The following SERPINB8 variants were observed in gnomAD, a reference collection of about 807,000 sequenced individuals.
SERPINB8 encodes the protein serpin B8.
SERPINB8 carries 25 observed loss-of-function variants against 35.3 expected under a neutral mutation model. That is an observed-to-expected ratio of 0.71 (90% CI 0.52 to 0.99). The LOEUF is 0.99. Ranked by LOEUF, SERPINB8 falls within the 50% of genes least tolerant of loss-of-function variation. The probability of loss-of-function intolerance (pLI) is 0.00; values close to 1 mark genes in which losing one functional copy is unlikely to be tolerated. For synonymous variants in SERPINB8, 186 were observed against 160.8 expected (o/e 1.16, Z -1.19); for missense variants, 484 against 446.5 (o/e 1.08, Z -0.76).
At chr18:63,984,880 G>GTTTTTT (rs11432695) in intron 5 of SERPINB8, among the ~76,000 whole-genome samples, 1 of 141,440 alleles carries the variant, frequency 7.1e-6, no homozygotes, top group Non-Finnish European at 1.6e-5. Context: ...TTACCAAACT[G>GTTTTTT]TTTTTTTTTT....
At chr18:63,974,061 T>G (rs1289327240) in intron 1 of SERPINB8, among the ~76,000 whole-genome samples, 1 of 152,246 alleles carries the variant, frequency 6.6e-6, no homozygotes, top group Admixed American at 6.5e-5. Context: ...GCATTGAATC[T>G]ATAAATTACC....
intron 1 of SERPINB8, chr18:63,970,628 C>A (rs56321661): frequency 0.23 from 35,260 of 152,504 alleles, 4,227 homozygotes; most frequent in Admixed American, 0.31. Flanking sequence ...GAGGAGCCGC[C>A]GCTGCGGAGG....
At chr18:64,014,421 A>G (rs900679849) in intron 7 of SERPINB8, among the ~76,000 whole-genome samples, 1 of 152,176 alleles carries the variant, frequency 6.6e-6, no homozygotes, top group African/African-American at 2.4e-5. Context: ...TTTAAATTTC[A>G]CAAAGGTAGC....
downstream of SERPINB8, among the ~76,000 whole-genome samples, chr18:63,992,874 GC>G (rs1234066672): frequency 6.6e-6 from 1 of 152,030 alleles, no homozygotes; most frequent in Non-Finnish European, 1.5e-5. Context: ...TTGTCAGTCG[GC>G]CGTTTGGTTC....
intron 1 of SERPINB8, among the ~76,000 whole-genome samples, chr18:63,998,007 C>T (rs921285004): frequency 6.6e-6 from 1 of 152,178 alleles, no homozygotes; most frequent in African/African-American, 2.4e-5. Flanking sequence ...AATCAAGATG[C>T]CATCCTAGCC....
intron 1 of SERPINB8, among the ~76,000 whole-genome samples, chr18:63,972,710 G>A (rs942188102): frequency 2.4e-5 from 3 of 123,082 alleles, no homozygotes; most frequent in Non-Finnish European, 3.2e-5. Context: ...TCATTGTTCA[G>A]TTCCCACCTA....
Position 63,987,328 on chromosome 18 carries a change from T to C in SERPINB8, c.*50T>C, listed in dbSNP as rs1243212829. 1 of 1,540,076 alleles carries C rather than the reference T, an allele frequency of 6.5e-7. No individual in the cohort carries two copies. Among genetic ancestry groups the C allele is most frequent in the Non-Finnish European group, 8.8e-7 (1 of 1,138,454 alleles). ...CTCCTTTCCTTCTACCTATCTTGCC[T>C]TAATTAACATTCCCTGTGACCTAGT... On this transcript the variant is annotated 3_prime_UTR_variant, in exon 7 of 7. Transcript: ENST00000397985.
At chr18:64,009,144 A>G (rs1488139186), downstream of SERPINB8, among the ~76,000 whole-genome samples, 1 of 152,236 alleles carries the variant, frequency 6.6e-6, no homozygotes, top group Admixed American at 6.5e-5. Context: ...ACAAAAAATA[A>G]GCAAGATTGT....
At chr18:63,994,341 C>G (rs1411622884), downstream of SERPINB8, among the ~76,000 whole-genome samples, 2 of 152,004 alleles carry the variant, frequency 1.3e-5, no homozygotes, top group African/African-American at 4.8e-5. Context: ...CTCTCTTTCT[C>G]TCTCTCTCTC....
At chr18:64,001,471 GTTTGTTTA>G (rs1420353536) in intron 1 of SERPINB8, among the ~76,000 whole-genome samples, 6 of 111,846 alleles carry the variant, frequency 5.4e-5, no homozygotes, top group African/African-American at 8.0e-5. Flanking sequence ...CTGTTTGTTT[GTTTGTTTA>G]TTTATTTATT....
intron 1 of SERPINB8, among the ~76,000 whole-genome samples, chr18:63,998,451 G>T (rs554095207): frequency 5.6e-4 from 86 of 152,224 alleles, no homozygotes; most frequent in Middle Eastern, 3.4e-3. Flanking sequence ...AGCAATGATC[G>T]CATATTTTAA....
chr18:64,018,509 G>T (rs191149687), intron 7 of SERPINB8, among the ~76,000 whole-genome samples: 19 of 151,900 alleles, frequency 1.3e-4, no homozygotes, highest in African/African-American at 4.4e-4. Context: ...TATTAAAGTG[G>T]GTAGAAAAAA....
intron 1 of SERPINB8, among the ~76,000 whole-genome samples, chr18:63,977,356 T>A (rs1469738646): frequency 6.6e-6 from 1 of 151,626 alleles, no homozygotes; most frequent in Non-Finnish European, 1.5e-5. Flanking sequence ...AGATGGAGTC[T>A]CACTCTGTTG....
At chr18:63,974,368 G>C (rs748420555) in intron 1 of SERPINB8, among the ~76,000 whole-genome samples, 2 of 152,118 alleles carry the variant, frequency 1.3e-5, no homozygotes, top group Non-Finnish European at 2.9e-5. Flanking sequence ...CTCACTTTTG[G>C]ATGTTGTATG....
intron 1 of SERPINB8, among the ~76,000 whole-genome samples, chr18:63,999,724 G>T (rs183057189): frequency 3.3e-5 from 5 of 152,222 alleles, no homozygotes; most frequent in East Asian, 1.9e-4. Flanking sequence ...TAATCTGCAC[G>T]AATGGGGCAT....
chr18:63,991,969 C>T (rs909086333), downstream of SERPINB8, among the ~76,000 whole-genome samples: 7 of 152,120 alleles, frequency 4.6e-5, 1 homozygote, highest in South Asian at 1.0e-3. Flanking sequence ...AACAATCTTG[C>T]GTTACTGGGA....
At chr18:63,971,713 A>G (rs574575833) in intron 1 of SERPINB8, among the ~76,000 whole-genome samples, 3 of 152,302 alleles carry the variant, frequency 2.0e-5, no homozygotes, top group Admixed American at 6.5e-5. Flanking sequence ...GAGCCGGGTT[A>G]TCTTTCTAAA....
At chr18:64,005,218 G>A (rs2050894160) in exon 2 of SERPINB8, 1 of 189,998 alleles carries the variant, frequency 5.3e-6, no homozygotes, top group South Asian at 1.9e-4. Flanking sequence ...AGTGGGCAAC[G>A]ATGTAGAACA....
intron 4 of SERPINB8, 71 bp downstream of exon 4, chr18:63,981,909 T>G: frequency 9.1e-7 from 1 of 1,098,520 alleles, no homozygotes; most frequent in Non-Finnish European, 1.4e-6. Context: ...GGATGGGACT[T>G]CCCAGGGTGT....
Sources: allele counts gnomAD v4.1 joint callset (sites outside exome capture counted in the v4.1 genomes callset), GRCh38; gene constraint gnomAD v4.1.1; transcripts MANE v1.5; gene names NCBI Gene and HGNC (gene_info 2026-07-23, HGNC 2026-07-21).